Variants in FAM120B observed in about 807,000 individuals in gnomAD.
The protein encoded by FAM120B is constitutive coactivator of peroxisome proliferator-activated receptor gamma.
A neutral mutation model predicts 96.3 loss-of-function variants in FAM120B; 83 were observed. The observed-to-expected ratio is 0.86, with a 90% CI of 0.72 to 1.03. The LOEUF (loss-of-function observed/expected upper bound fraction) is 1.03, where lower values mean the gene tolerates loss of function less well. FAM120B is among the 50% of genes least tolerant of loss of function. The pLI is 0.00. For synonymous variants in FAM120B, 407 were observed against 402.7 expected (o/e 1.01, Z -0.13); for missense variants, 1,027 against 1,121.2 (o/e 0.92, Z 1.20).
chr6:170,292,318 C>T (rs1429175963), upstream of FAM120B, among the ~76,000 whole-genome samples: 1 of 152,120 alleles, frequency 6.6e-6, no homozygotes, highest in African/African-American at 2.4e-5. This position sits in a 1 kb window ranked among gnomAD's most constrained non-coding sequence, Gnocchi z 6.6. Flanking sequence ...AATTGCCCTC[C>T]TAGGCACGAT....
At chr6:170,368,819 C>CGGGG (rs146799172) in intron 6 of FAM120B, among the ~76,000 whole-genome samples, 8 of 26,180 alleles carry the variant, frequency 3.1e-4, no homozygotes, top group Non-Finnish European at 4.2e-4. Context: ...TCTGCCGGGG[C>CGGGG]TGGGGGGGGG....
chr6:170,302,361 G>C (rs1013295623), upstream of FAM120B, among the ~76,000 whole-genome samples: 3 of 152,116 alleles, frequency 2.0e-5, no homozygotes, highest in African/African-American at 7.2e-5. Context: ...CTCCCACCAG[G>C]TCCTTCCCAT....
At position 170,295,449 on chromosome 6, in the gene FAM120B, A is replaced by G. The variant is rs971855978; in HGVS notation, c.44A>G (p.Lys15Arg). The G allele has an allele frequency of 4.3e-6, 3 of 701,608 alleles. No homozygotes were observed. The highest frequency in any genetic ancestry group is 7.8e-6 in the Non-Finnish European group (3 of 384,528). The allele number at this position is 701,608 out of a possible 1,614,324, so 43.5% of individuals were successfully genotyped here. The change falls in exon 1 of 11, where the codon AAG becomes AGG. Residue 15 changes from lysine (K) to arginine (R), a missense_variant. Lys to Arg is a conservative substitution (Grantham distance 26). Transcript: ENST00000537664. This position sits in a 1 kb window ranked among gnomAD's most constrained non-coding sequence, Gnocchi z 7.8. ...TCCACCAGCGCTGGCGCAGGCAGGA[A>G]GGAGGTGAGCGCCGCCCGCGTGCAC...
upstream of FAM120B, among the ~76,000 whole-genome samples, chr6:170,302,939 C>CTTCCCTTT (rs1247288628): frequency 2.0e-5 from 3 of 152,022 alleles, no homozygotes; most frequent in African/African-American, 7.3e-5. Flanking sequence ...TTGACTTTTC[C>CTTCCCTTT]TTCCCTTTGC....
At chr6:170,359,912 G>T (rs952112969) in intron 6 of FAM120B, among the ~76,000 whole-genome samples, 6 of 152,018 alleles carry the variant, frequency 3.9e-5, no homozygotes, top group African/African-American at 1.5e-4. Context: ...TTAATTTTAA[G>T]TTATCAGTAG....
At chr6:170,371,543 A>G (rs1439425466) in intron 6 of FAM120B, among the ~76,000 whole-genome samples, 2 of 152,216 alleles carry the variant, frequency 1.3e-5, no homozygotes, top group East Asian at 1.9e-4. Flanking sequence ...AGAAGCTGTC[A>G]TTGAATTCAG....
rs558339369 is a variant in FAM120B, at chr6:170,370,578, C to G, written c.2283+12260C>G. Among the ~76,000 whole-genome samples the G allele has an allele frequency of 6.6e-6, 1 of 152,130 alleles. No homozygotes were observed. The highest frequency in any genetic ancestry group is 2.4e-5 in the African/African-American group (1 of 41,416). On this transcript the variant is annotated intron_variant, in intron 6 of 10. Coordinates refer to ENST00000476287, the MANE Select transcript of FAM120B (RefSeq NM_032448.3). This position sits in a 1 kb window ranked among gnomAD's most constrained non-coding sequence, Gnocchi z 4.3. ...CAGAAGCCAGAACTCGGTAATATTACCCTCTGATCCTGTACCTGTCATTGT... is the reference window on the plus strand; with the variant it reads ...CAGAAGCCAGAACTCGGTAATATTAGCCTCTGATCCTGTACCTGTCATTGT...
intron 1 of FAM120B, among the ~76,000 whole-genome samples, 197 bp from the exon 2 acceptor site, chr6:170,317,173 T>C (rs944243926): frequency 2.0e-5 from 3 of 152,236 alleles, no homozygotes. Context: ...ACTCAAGTAA[T>C]TAACTTATAC....
intron 6 of FAM120B, among the ~76,000 whole-genome samples, chr6:170,382,495 A>G (rs942532893): frequency 6.6e-6 from 1 of 152,238 alleles, no homozygotes; most frequent in African/African-American, 2.4e-5. Context: ...TTGCATTTCT[A>G]TATACTATTA....
intron 4 of FAM120B, among the ~76,000 whole-genome samples, chr6:170,333,396 T>G (rs1402997803): frequency 6.6e-6 from 1 of 152,174 alleles, no homozygotes; most frequent in African/African-American, 2.4e-5. Flanking sequence ...CTCCAGAAAT[T>G]TTCTGCTGTT....
At chr6:170,369,078 C>A (rs910585338) in intron 6 of FAM120B, among the ~76,000 whole-genome samples, 4 of 152,184 alleles carry the variant, frequency 2.6e-5, no homozygotes, top group Admixed American at 1.3e-4. Context: ...GAATGTTTTA[C>A]TGGGCTTCTG....
At chr6:170,361,550 G>A (rs1276161149) in intron 6 of FAM120B, among the ~76,000 whole-genome samples, 1 of 152,086 alleles carries the variant, frequency 6.6e-6, no homozygotes, top group Non-Finnish European at 1.5e-5. Flanking sequence ...ACAGGCCTGT[G>A]AGCAGAAATG....
chr6:170,358,873 T>A (rs1484055742), intron 6 of FAM120B, among the ~76,000 whole-genome samples: 5 of 152,210 alleles, frequency 3.3e-5, no homozygotes, highest in African/African-American at 1.2e-4. Context: ...CACAGCTAAG[T>A]TCCACAGCTC....
chr6:170,323,276 C>A lies in FAM120B; in HGVS notation c.1915+17C>A. On this transcript the variant is annotated intron_variant, in intron 3 of 10. Transcript: ENST00000476287. The stretch of plus-strand genomic sequence containing the variant: ...ACTGTCAAGGTGAGAATTGGTTGGT[C>A]CCTCTTAGTAAAGGTTCTATTTGGA... 1 of 1,604,572 alleles carries A rather than the reference C, an allele frequency of 6.2e-7. No individual in the cohort carries two copies. The highest frequency in any genetic ancestry group is 1.1e-5 in the South Asian group (1 of 89,554).
upstream of FAM120B, among the ~76,000 whole-genome samples, chr6:170,302,955 T>C (rs1400588200): frequency 6.6e-6 from 1 of 152,232 alleles, no homozygotes; most frequent in East Asian, 1.9e-4. Flanking sequence ...TTTGCTGTAG[T>C]GTACTGTAGT....
Position 170,317,687 on chromosome 6 carries a change from T to A in FAM120B, c.297T>A (p.Asp99Glu). The change falls in exon 2 of 11, where the codon GAT becomes GAA. Residue 99 changes from aspartate to glutamate, a missense_variant. Physicochemically the swap from Asp to Glu is conservative, Grantham distance 45 (BLOSUM62 2). Coordinates refer to ENST00000476287, the MANE Select transcript of FAM120B (RefSeq NM_032448.3). Reference protein sequence around the residue: ...FDGMVEQDKRDEWVKRRLKNN... With the variant: ...FDGMVEQDKREEWVKRRLKNN... ...GCATGGTGGAGCAGGATAAGAGAGA[T>A]GAATGGGTGAAACGAAGGCTCAAGA... 6.2e-7 allele frequency: 1 copy of A among 1,614,130 alleles called. No individual in the cohort carries two copies. Among genetic ancestry groups the A allele is most frequent in the Non-Finnish European group, 8.5e-7 (1 of 1,180,022 alleles).
Position 170,333,203 on chromosome 6 carries a change from A to C in FAM120B, c.2017+2653A>C, listed in dbSNP as rs542807532. On this transcript the variant is annotated intron_variant, in intron 4 of 10. Coordinates refer to ENST00000476287, the MANE Select transcript of FAM120B (RefSeq NM_032448.3). Reference sequence around the variant, plus strand: ...CAATTCCTGTATTGAAAACCTAATCACTAATGTGATGGTATTGGGAGGTGG... The same window carrying C: ...CAATTCCTGTATTGAAAACCTAATCCCTAATGTGATGGTATTGGGAGGTGG... Among the ~76,000 whole-genome samples the C allele has an allele frequency of 9.5e-5, 13 of 137,484 alleles. No homozygotes were observed. In the South Asian group the frequency reaches 3.0e-3, roughly 31 times the overall value. The allele number at this position is 137,484 out of a possible 152,430, so 90.2% of individuals were successfully genotyped here. A position where few individuals can be genotyped will look rare whatever the true frequency, so the allele number is the denominator to read the frequency against.
At chr6:170,344,653 G>A (rs9366211) in intron 4 of FAM120B, among the ~76,000 whole-genome samples, 16,318 of 152,278 alleles carry the variant, frequency 0.11, 1,116 homozygotes, top group East Asian at 0.2. Flanking sequence ...GGGCAAGTCC[G>A]TAGATCTGGA....
At chr6:170,380,980 C>T (rs1450060955) in intron 6 of FAM120B, among the ~76,000 whole-genome samples, 1 of 152,168 alleles carries the variant, frequency 6.6e-6, no homozygotes, top group African/African-American at 2.4e-5. Context: ...ATAATTTGGA[C>T]TCACTTTCTG....
Sources: gnomAD v4.1 joint callset for allele counts (sites outside exome capture counted in the v4.1 genomes callset) on GRCh38, gnomAD v4.1.1 for gene constraint, Gnocchi (gnomAD v3.1) non-coding constraint, MANE v1.5 for transcripts, NCBI Gene and HGNC (gene_info 2026-07-23, HGNC 2026-07-21) for gene names.